DCC: variants seen among roughly 807,000 people sequenced by gnomAD.
DCC encodes the protein DCC netrin 1 receptor, also known as netrin receptor DCC.
DCC carries 58 observed loss-of-function variants against 172.5 expected under a neutral mutation model. The ratio of observed to expected loss-of-function variants is 0.34; its 90% CI spans 0.27 to 0.42. The LOEUF (loss-of-function observed/expected upper bound fraction) is 0.42, where lower values mean the gene tolerates loss of function less well. Ranked by LOEUF, DCC falls within the 10% of genes least tolerant of loss-of-function variation. DCC has a pLI of 1.00. For synonymous variants in DCC, 709 were observed against 644.5 expected (o/e 1.10, Z -1.52); for missense variants, 1,740 against 1,791.0 (o/e 0.97, Z 0.51).
chr18:53,387,091 G>C (rs189147152), intron 16 of DCC, among the ~76,000 whole-genome samples: 43 of 152,270 alleles, frequency 2.8e-4, no homozygotes, highest in Admixed American at 2.8e-3. Context: ...AGCAAGCATC[G>C]GAGAACGTGA....
intron 12 of DCC, among the ~76,000 whole-genome samples, chr18:53,260,711 C>A (rs1410583753): frequency 7.9e-5 from 12 of 152,214 alleles, no homozygotes; most frequent in Admixed American, 3.9e-4. Context: ...GCTGGGAGAA[C>A]CACTACTCTC....
chr18:52,413,779 A>G (rs138016279), intron 1 of DCC, among the ~76,000 whole-genome samples: 74 of 152,024 alleles, frequency 4.9e-4, no homozygotes, highest in African/African-American at 1.7e-3. Flanking sequence ...GGGAGCATCT[A>G]GTTTTGATGA....
Position 52,340,808 on chromosome 18 carries a change from T to A in DCC, c.21T>A (p.Cys7Ter). The A allele has an allele frequency of 6.2e-7, 1 of 1,614,082 alleles. No individual in the cohort carries two copies. Among genetic ancestry groups the A allele is most frequent in the Non-Finnish European group, 8.5e-7 (1 of 1,179,956 alleles). The change falls in exon 1 of 29, where the codon TGT (cysteine) becomes TGA (stop). Residue 7 changes from cysteine (C) to a stop codon, truncating the protein, a stop_gained. Coordinates refer to ENST00000442544, the MANE Select transcript of DCC (RefSeq NM_005215.4). LOFTEE classifies it high-confidence loss of function. ...GAAATATGGAGAATAGTCTTAGATG[T>A]GTTTGGGTACCCAAGCTGGCTTTTG... MENSLRCVWVPKLAFVL... is the reference protein window; with the variant it reads MENSLR
chr18:52,753,927 A>G (rs2145135925), intron 2 of DCC, among the ~76,000 whole-genome samples: 1 of 152,286 alleles, frequency 6.6e-6, no homozygotes, highest in East Asian at 1.9e-4. Flanking sequence ...ATTGACCATA[A>G]AGCAAGGCAA....
chr18:52,803,210 G>T (rs1195211664), intron 2 of DCC, among the ~76,000 whole-genome samples: 1 of 152,088 alleles, frequency 6.6e-6, no homozygotes, highest in East Asian at 1.9e-4. Context: ...TTACAATATT[G>T]CACTAAACAC....
At chr18:53,297,246 T>C (rs1324280487) in intron 12 of DCC, among the ~76,000 whole-genome samples, 1 of 152,198 alleles carries the variant, frequency 6.6e-6, no homozygotes, top group African/African-American at 2.4e-5. Context: ...GAATTGGACA[T>C]GACTATCCCA....
chr18:53,202,980 G>T (rs535559464), intron 9 of DCC, among the ~76,000 whole-genome samples: 1 of 152,226 alleles, frequency 6.6e-6, no homozygotes, highest in African/African-American at 2.4e-5. Context: ...CCCTAAACTG[G>T]ATCCTAAATT....
At chr18:52,578,300 G>A (rs76942463) in intron 1 of DCC, among the ~76,000 whole-genome samples, 1,762 of 152,236 alleles carry the variant, frequency 0.012, 15 homozygotes, top group South Asian at 0.027. Flanking sequence ...ATTCAAACTT[G>A]GAGTCAGAGA....
At chr18:53,374,545 T>A (rs778316902) in intron 15 of DCC, among the ~76,000 whole-genome samples, 1 of 152,314 alleles carries the variant, frequency 6.6e-6, no homozygotes, top group Non-Finnish European at 1.5e-5. Context: ...GCTAGTTCAA[T>A]GCACACATTC....
chr18:53,119,817 C>A (rs1598821368), intron 7 of DCC, among the ~76,000 whole-genome samples: 1 of 151,818 alleles, frequency 6.6e-6, no homozygotes, highest in East Asian at 1.9e-4. Flanking sequence ...AGTATTTTCA[C>A]CTCTTTACAC....
intron 2 of DCC, chr18:52,816,918 T>C (rs2145261917): frequency 6.6e-6 from 1 of 152,352 alleles, no homozygotes; most frequent in East Asian, 1.9e-4. Flanking sequence ...GTCAAATATT[T>C]TTGGTTACCT....
intron 5 of DCC, among the ~76,000 whole-genome samples, chr18:52,967,623 T>C (rs555631535): frequency 3.9e-5 from 6 of 152,336 alleles, no homozygotes; most frequent in African/African-American, 1.4e-4. Context: ...AAGTTCTGGT[T>C]AATCTATACT....
At chr18:53,125,526 C>T (rs1307642794) in intron 7 of DCC, among the ~76,000 whole-genome samples, 1 of 152,070 alleles carries the variant, frequency 6.6e-6, no homozygotes, top group Non-Finnish European at 1.5e-5. Context: ...TGGTACTCAT[C>T]TTATAGGTCT....
intron 20 of DCC, among the ~76,000 whole-genome samples, chr18:53,411,004 A>G (rs1043691245): frequency 5.3e-5 from 8 of 152,124 alleles, no homozygotes; most frequent in African/African-American, 1.9e-4. Context: ...ACTATTGCCG[A>G]CTTTAGGTAT....
intron 1 of DCC, among the ~76,000 whole-genome samples, chr18:52,464,975 G>A (rs1988742618): frequency 6.6e-6 from 1 of 152,016 alleles, no homozygotes; most frequent in Admixed American, 6.6e-5. Flanking sequence ...AAGAGGCTCA[G>A]ACCAAAGATA....
At chr18:52,605,483 G>T (rs2034115202) in intron 1 of DCC, among the ~76,000 whole-genome samples, 1 of 152,134 alleles carries the variant, frequency 6.6e-6, no homozygotes, top group South Asian at 2.1e-4. Flanking sequence ...TATTGCAGCT[G>T]CAAGCAGCAT....
chr18:52,761,191 A>C (rs2037154568), intron 2 of DCC, among the ~76,000 whole-genome samples: 2 of 152,190 alleles, frequency 1.3e-5, no homozygotes. Context: ...TGGCAGGCAA[A>C]GAGAGAGCTT....
intron 1 of DCC, among the ~76,000 whole-genome samples, chr18:52,501,363 C>T (rs2031010822): frequency 6.6e-6 from 1 of 152,174 alleles, no homozygotes. Flanking sequence ...TCGCTTTCTC[C>T]TTACCAGTTT....
chr18:53,307,622 G>T (rs1016407616), intron 13 of DCC, among the ~76,000 whole-genome samples: 1 of 151,406 alleles, frequency 6.6e-6, no homozygotes, highest in Non-Finnish European at 1.5e-5. Flanking sequence ...TTAACTAAAG[G>T]ATTAATATTC....
Sources: gnomAD v4.1 joint callset for allele counts (sites outside exome capture counted in the v4.1 genomes callset) on GRCh38, gnomAD v4.1.1 for gene constraint, MANE v1.5 for transcripts, NCBI Gene and HGNC (gene_info 2026-07-23, HGNC 2026-07-21) for gene names.